ESPL1: variants seen among roughly 807,000 people sequenced by gnomAD.
ESPL1 encodes the protein extra spindle pole bodies like 1, separase.
A neutral mutation model predicts 217.2 loss-of-function variants in ESPL1; 50 were observed. The ratio of observed to expected loss-of-function variants is 0.23; its 90% CI spans 0.18 to 0.29. ESPL1 has a LOEUF of 0.29. ESPL1 is among the 10% of genes least tolerant of loss of function. The pLI is 1.00. For synonymous variants in ESPL1, 994 were observed against 1,081.3 expected (o/e 0.92, Z 1.58); for missense variants, 1,834 against 2,603.0 (o/e 0.70, Z 6.43).
intron 11 of ESPL1, 115 bp from the exon 12 acceptor site, chr12:53,279,617 C>A: frequency 8.1e-7 from 1 of 1,239,742 alleles, no homozygotes. Flanking sequence ...TAACTACATT[C>A]CACCCAGGCC....
chr12:53,285,816 G>A lies in ESPL1; in HGVS notation c.3188-108G>A, dbSNP rs180780045. On this transcript the variant is annotated intron_variant, in intron 17 of 30. Coordinates refer to ENST00000257934, the MANE Select transcript of ESPL1 (RefSeq NM_012291.5). ...TATATATACACACATATATATACAC[G>A]TACGTATATAAAACACATATATTAG... The A allele has an allele frequency of 7.0e-4, 518 of 737,324 alleles. 1 individual carries two copies. The African/African-American group carries it at 7.8e-3, about 11-fold the overall frequency. The allele number at this position is 737,324 out of a possible 1,614,324, so 45.7% of individuals were successfully genotyped here. A position where few individuals can be genotyped will look rare whatever the true frequency, so the allele number is the denominator to read the frequency against.
chr12:53,272,845 G>T lies in ESPL1; in HGVS notation c.1494G>T (p.Val498=). The T allele has an allele frequency of 6.2e-7, 1 of 1,613,864 alleles. No homozygotes were observed. Among genetic ancestry groups the T allele is most frequent in the Non-Finnish European group, 8.5e-7 (1 of 1,179,996 alleles). The change falls in exon 6 of 31, where the codon GTG becomes GTT. Residue 498 remains valine, a synonymous_variant. Transcript: ENST00000257934. ...GLVKPGTYPE[V]PPEKLHRCFR... is the part of the protein sequence containing the mutation. ...TGAAGCCAGGCACTTATCCCGAGGT[G>T]CCTCCTGAGAAGGTACAAGGGAATG...
At position 53,293,235 on chromosome 12, in the gene ESPL1, G is replaced by C. The variant is rs376722696; in HGVS notation, c.6162-38G>C. On this transcript the variant is annotated intron_variant, in intron 30 of 30. Transcript: ENST00000257934. This position sits in a 1 kb window ranked among gnomAD's most constrained non-coding sequence, Gnocchi z 4.2. ...GTGTTTTCCTATGTATTCTGTTTTA[G>C]AGCCCTTACTTTGTATTTCCTCCTT... 4 of 1,528,980 alleles carry C rather than the reference G, an allele frequency of 2.6e-6. No homozygotes were observed. The highest frequency in any genetic ancestry group is 2.2e-5 in the South Asian group (2 of 89,250). The allele number at this position is 1,528,980 out of a possible 1,614,324, so 94.7% of individuals were successfully genotyped here.
intron 5 of ESPL1, among the ~76,000 whole-genome samples, chr12:53,271,165 T>C (rs918626571): frequency 3.2e-4 from 37 of 114,914 alleles, no homozygotes; most frequent in African/African-American, 1.2e-3. Context: ...TTTCTGTATA[T>C]TTAAGTGTTT....
rs367813096 is a variant in ESPL1, at chr12:53,288,607, G to A, written c.4616G>A (p.Ser1539Asn). 5.0e-6 allele frequency: 8 copies of A among 1,613,864 alleles called. No individual in the cohort carries two copies. Among genetic ancestry groups the A allele is most frequent in the Non-Finnish European group, 6.8e-6 (8 of 1,180,006 alleles). The change falls in exon 20 of 31, where the codon AGC (serine) becomes AAC (asparagine). Residue 1539 changes from serine to asparagine, a missense_variant. This residue lies in a region of ESPL1 where 681 missense variants were observed against 808.0 expected (regional missense o/e 0.84). Coordinates refer to ENST00000257934, the MANE Select transcript of ESPL1 (RefSeq NM_012291.5). ...TGGGAGCTGCTGAGGCTGGATTCCA[G>A]CAAGAAGAAGCTGCCCAGCCCATGC... is the stretch of plus-strand genomic sequence containing the variant. ...GEWELLRLDS[S>N]KKKLPSPCPD...
chr12:53,286,853 A>G lies in ESPL1; in HGVS notation c.4117A>G (p.Ser1373Gly). 6.2e-7 allele frequency: 1 copy of G among 1,613,712 alleles called. No individual in the cohort carries two copies. The highest frequency in any genetic ancestry group is 8.5e-7 in the Non-Finnish European group (1 of 1,179,910). ...TVFEEVCPTE[S>G]KPEVPQAPRV... is the part of the protein sequence containing the mutation. The stretch of plus-strand genomic sequence containing the variant: ...GTTTGAGGAAGTCTGCCCTACAGAG[A>G]GCAAGCCTGAAGTACCCCAGGCCCC... The change falls in exon 18 of 31, where the codon AGC becomes GGC. Residue 1373 changes from serine (S) to glycine (G), a missense_variant. Coordinates refer to ENST00000257934, the MANE Select transcript of ESPL1 (RefSeq NM_012291.5). The surrounding 1 kb of genome is among the most constrained non-coding windows in gnomAD (Gnocchi z 5.3).
chr12:53,290,365 C>T lies in ESPL1; in HGVS notation c.5260C>T (p.Leu1754=). Residue 1754 remains leucine (L), a synonymous_variant, in exon 24 of 31, where the codon CTG becomes TTG. Transcript: ENST00000257934. ...CCCAAAGCTTCATCTGCGTTCAGTC[C>T]TGAATGAGTTTGATGCCATCCAGAA... ...GQNKLHLRSV[L]NEFDAIQKAQ... 1.2e-6 allele frequency: 2 copies of T among 1,613,134 alleles called. No homozygotes were observed. Among genetic ancestry groups the T allele is most frequent in the African/African-American group, 2.7e-5 (2 of 75,052 alleles).
chr12:53,285,010 C>T (rs377442977), intron 17 of ESPL1, among the ~76,000 whole-genome samples: 1 of 100,504 alleles, frequency 9.9e-6, no homozygotes, highest in Non-Finnish European at 2.0e-5. Context: ...GACTCTGACT[C>T]AAAAAAAAAA....
Position 53,293,196 on chromosome 12 carries a change from C to G in ESPL1, c.6162-77C>G, listed in dbSNP as rs369111669. The G allele has an allele frequency of 5.6e-5, 72 of 1,279,850 alleles. No individual in the cohort carries two copies. The African/African-American group carries it at 8.9e-4, about 16-fold the overall frequency. The allele number at this position is 1,279,850 out of a possible 1,614,324, so 79.3% of individuals were successfully genotyped here. On this transcript the variant is annotated intron_variant, in intron 30 of 30. Transcript: ENST00000257934. The surrounding 1 kb of genome is among the most constrained non-coding windows in gnomAD (Gnocchi z 4.2). The stretch of plus-strand genomic sequence containing the variant: ...GGTTCAATCCTCTCCACTCACCCAC[C>G]CCCACCACCAATGGTGTTTTCCTAT...
In ESPL1 at chr12:53,283,408, G is replaced by C; in HGVS notation, c.2947G>C (p.Val983Leu). The change falls in exon 16 of 31, where the codon GTT (valine) becomes CTT (leucine). Residue 983 changes from valine to leucine, a missense_variant. Val to Leu is a conservative substitution (Grantham distance 32). Coordinates refer to ENST00000257934, the MANE Select transcript of ESPL1 (RefSeq NM_012291.5). ...YGENLVQKWQ[V>L]LSEVLSCSEK... The stretch of plus-strand genomic sequence containing the variant: ...TGAAAATCTGGTACAAAAATGGCAG[G>C]TTCTTTCAGAGGTGCTGAGCTGCTC... The C allele has an allele frequency of 6.2e-7, 1 of 1,614,170 alleles. No individual in the cohort carries two copies. The highest frequency in any genetic ancestry group is 8.5e-7 in the Non-Finnish European group (1 of 1,180,000).
At chr12:53,268,934 C>T (rs546034970) in intron 2 of ESPL1, 87 bp downstream of exon 2, 12 of 1,476,542 alleles carry the variant, frequency 8.1e-6, no homozygotes, top group Non-Finnish European at 1.1e-5. Flanking sequence ...GATAAGTAGG[C>T]GACCCTCTCT....
chr12:53,277,646 G>C (rs753451744), intron 10 of ESPL1, 38 bp downstream of exon 10: 9 of 1,608,922 alleles, frequency 5.6e-6, no homozygotes, highest in Non-Finnish European at 4.3e-6. Context: ...GCATCTCCAT[G>C]GCTTCCTAAG....
chr12:53,273,032 C>CT (rs1565752554), intron 6 of ESPL1, among the ~76,000 whole-genome samples, 175 bp downstream of exon 6: 3 of 144,354 alleles, frequency 2.1e-5, no homozygotes, highest in Non-Finnish European at 3.0e-5. Flanking sequence ...ACTGTTGACT[C>CT]ATTTTTTTTT....
intron 7 of ESPL1, 100 bp from the exon 8 acceptor site, chr12:53,276,517 CCTA>C: frequency 7.6e-7 from 1 of 1,312,920 alleles, no homozygotes; most frequent in Non-Finnish European, 1.0e-6. Flanking sequence ...TGACTGGAAA[CCTA>C]CTGAGCAAGC....
chr12:53,291,811 A>G lies in ESPL1; in HGVS notation c.5642A>G (p.Gln1881Arg). 1 of 1,603,142 alleles carries G rather than the reference A, an allele frequency of 6.2e-7. No individual in the cohort carries two copies. The highest frequency in any genetic ancestry group is 8.5e-7 in the Non-Finnish European group (1 of 1,175,056). The change falls in exon 26 of 31, where the codon CAG becomes CGG. Residue 1881 changes from glutamine (Q) to arginine (R), a missense_variant. By Grantham distance (43) the Gln-to-Arg change is conservative. This residue lies in a region of ESPL1 where 295 missense variants were observed against 519.8 expected (regional missense o/e 0.57). Transcript: ENST00000257934. ...ELLNEAVGRL[Q>R]GLTVPSNSHL... Reference sequence around the variant, plus strand: ...CTGAATGAGGCAGTAGGACGTCTACAGGGCCTGACAGTACCAAGCAATAGC... The same window carrying G: ...CTGAATGAGGCAGTAGGACGTCTACGGGGCCTGACAGTACCAAGCAATAGC...
Position 53,282,049 on chromosome 12 carries a change from G to A in ESPL1, c.2620-215G>A, listed in dbSNP as rs754400306. Among the ~76,000 whole-genome samples the A allele has an allele frequency of 9.9e-5, 15 of 152,162 alleles. No homozygotes were observed. The highest frequency in any genetic ancestry group is 1.9e-4 in the Non-Finnish European group (13 of 68,034). ...CTAAATTGGCGGACAAGTCACTGGT[G>A]AGGGCAAAGCTAGGAACTGTTACTG... On this transcript the variant is annotated intron_variant, in intron 13 of 30. Transcript: ENST00000257934. This position sits in a 1 kb window ranked among gnomAD's most constrained non-coding sequence, Gnocchi z 4.0.
rs750721055 is a variant in ESPL1, at chr12:53,291,682, C to G, written c.5521-8C>G. The G allele has an allele frequency of 1.2e-6, 2 of 1,612,590 alleles. No individual in the cohort carries two copies. The highest frequency in any genetic ancestry group is 1.1e-5 in the South Asian group (1 of 90,898). ...AAGATGGTGCTCACCACCACTGTTTCCCTGCAGATCATGCTCAGTGGTGCC... is the reference window on the plus strand; with the variant it reads ...AAGATGGTGCTCACCACCACTGTTTGCCTGCAGATCATGCTCAGTGGTGCC... On this transcript the variant is annotated splice_polypyrimidine_tract_variant and splice_region_variant and intron_variant, in intron 25 of 30. Transcript: ENST00000257934.
chr12:53,274,270 A>G (rs993388370), intron 6 of ESPL1: 1 of 155,032 alleles, frequency 6.5e-6, no homozygotes, highest in African/African-American at 2.4e-5. Context: ...AAGCCTCTAA[A>G]GGATTTAAGT....
intron 18 of ESPL1, 195 bp downstream of exon 18, chr12:53,287,107 C>G: frequency 2.0e-6 from 1 of 502,088 alleles, no homozygotes; most frequent in Non-Finnish European, 3.5e-6. Context: ...GAGTCTCGCT[C>G]TGTCGCCCAG....
Sources: gnomAD v4.1 joint callset for allele counts (sites outside exome capture counted in the v4.1 genomes callset) on GRCh38, gnomAD v4.1.1 for gene constraint, gnomAD v4.1.1 regional missense constraint, Gnocchi (gnomAD v3.1) non-coding constraint, MANE v1.5 for transcripts, NCBI Gene and HGNC (gene_info 2026-07-23, HGNC 2026-07-21) for gene names.